The following CHSY1 variants were observed in gnomAD, a reference collection of about 807,000 sequenced individuals.
The protein encoded by CHSY1 is N-acetylgalactosaminyl-proteoglycan 3-beta-glucuronosyltransferase 1.
Under a neutral mutation model 59.8 loss-of-function variants are expected in CHSY1, and 13 were observed. That is an observed-to-expected ratio of 0.22 (90% CI 0.14 to 0.35). The LOEUF (loss-of-function observed/expected upper bound fraction) is 0.35. Ranked by LOEUF, CHSY1 falls within the 10% of genes least tolerant of loss-of-function variation. The pLI is 1.00. For missense variants in CHSY1, 947 were observed against 1,030.6 expected, an observed-to-expected ratio of 0.92 and a Z score of 1.11; for synonymous variants, 459 against 401.2, an observed-to-expected ratio of 1.14 and a Z score of -1.72.
intron 2 of CHSY1, among the ~76,000 whole-genome samples, chr15:101,231,799 G>A (rs1298200586): frequency 6.6e-6 from 1 of 152,126 alleles, no homozygotes; most frequent in East Asian, 1.9e-4. Flanking sequence ...GAGTAGTATA[G>A]CTTTTCATGT....
chr15:101,230,549 T>C (rs1340276199), intron 2 of CHSY1, among the ~76,000 whole-genome samples: 2 of 151,496 alleles, frequency 1.3e-5, no homozygotes, highest in African/African-American at 4.9e-5. Flanking sequence ...AATGTGTGAA[T>C]TTTTTTTAAA....
At chr15:101,229,564 GA>G (rs2038872792) in intron 2 of CHSY1, among the ~76,000 whole-genome samples, 3 of 152,120 alleles carry the variant, frequency 2.0e-5, no homozygotes, top group African/African-American at 7.2e-5. Flanking sequence ...AATAAAAGGA[GA>G]AAAACCTGAC....
intron 1 of CHSY1, among the ~76,000 whole-genome samples, chr15:101,245,406 T>C (rs548621982): frequency 6.6e-6 from 1 of 152,338 alleles, no homozygotes; most frequent in Non-Finnish European, 1.5e-5. Flanking sequence ...CATTTCTTGA[T>C]CCATCACCCA....
chr15:101,200,213 G>C (rs1323590097), intron 2 of CHSY1, among the ~76,000 whole-genome samples: 1 of 152,170 alleles, frequency 6.6e-6, no homozygotes, highest in Non-Finnish European at 1.5e-5. Flanking sequence ...TTTACTTCCA[G>C]AATAACTTTT....
At chr15:101,243,707 G>C (rs1360724802) in intron 1 of CHSY1, among the ~76,000 whole-genome samples, 1 of 152,236 alleles carries the variant, frequency 6.6e-6, no homozygotes, top group East Asian at 1.9e-4. Flanking sequence ...GCATGGCTTG[G>C]CGACTTGAAA....
intron 2 of CHSY1, among the ~76,000 whole-genome samples, chr15:101,193,205 T>C (rs4965805): frequency 0.58 from 88,306 of 152,136 alleles, 28,291 homozygotes; most frequent in East Asian, 0.87. Flanking sequence ...GAAATGCCTG[T>C]CCGGCAAGCA....
chr15:101,220,916 G>A (rs574132391), intron 2 of CHSY1, among the ~76,000 whole-genome samples: 26 of 152,102 alleles, frequency 1.7e-4, no homozygotes, highest in African/African-American at 5.8e-4. Context: ...GAGCAGCCCC[G>A]TCCCTCCATC....
At chr15:101,186,262 G>GTGAGCCGAGATCGTGCCACTGCA (rs1233346189) in intron 2 of CHSY1, among the ~76,000 whole-genome samples, 2 of 151,718 alleles carry the variant, frequency 1.3e-5, no homozygotes, top group African/African-American at 4.8e-5. Context: ...GGAGGTTGCA[G>GTGAGCCGAGATCGTGCCACTGCA]TGAGCCGAGA....
At chr15:101,221,390 C>T (rs556289442) in intron 2 of CHSY1, among the ~76,000 whole-genome samples, 13 of 152,242 alleles carry the variant, frequency 8.5e-5, no homozygotes, top group East Asian at 3.9e-4. Context: ...CTACTCAGGA[C>T]GCTGGGGCAC....
intron 2 of CHSY1, among the ~76,000 whole-genome samples, chr15:101,180,793 G>A (rs531544538): frequency 3.7e-4 from 57 of 152,278 alleles, no homozygotes; most frequent in African/African-American, 1.3e-3. Context: ...GATGAACCAC[G>A]TTAACTTATC....
intron 2 of CHSY1, among the ~76,000 whole-genome samples, chr15:101,216,806 G>A (rs2038737821): frequency 6.6e-6 from 1 of 152,158 alleles, no homozygotes; most frequent in Admixed American, 6.5e-5. Context: ...TACTGTAATG[G>A]TGGACACATA....
rs531569614 is a variant in CHSY1, at chr15:101,194,255, GAAAGA to G, written c.817-15280_817-15276del. On this transcript the variant is annotated intron_variant, in intron 2 of 2. Transcript: ENST00000254190. ...ATAGACCACCCACGTGCTACAAACT[GAAAGA>G]AAAGAAAAATTTCATTGGAGGTAAA... 1.4e-4 allele frequency among the ~76,000 whole-genome samples: 21 copies of G among 152,298 alleles called. No homozygotes were observed. In the East Asian group the frequency reaches 3.5e-3, roughly 25 times the overall value.
chr15:101,244,683 T>C (rs2039034114), intron 1 of CHSY1, among the ~76,000 whole-genome samples: 1 of 152,250 alleles, frequency 6.6e-6, no homozygotes, highest in Non-Finnish European at 1.5e-5. Flanking sequence ...TGTTTTACTT[T>C]AAACACAGAA....
intron 2 of CHSY1, among the ~76,000 whole-genome samples, chr15:101,198,802 G>C (rs2038537390): frequency 6.6e-6 from 1 of 152,180 alleles, no homozygotes; most frequent in South Asian, 2.1e-4. Context: ...TTTTGTTACT[G>C]TCTACAGCTG....
rs373261179 is a variant in CHSY1, at chr15:101,178,834, G to A, written c.963C>T (p.Ser321=). The A allele has an allele frequency of 1.9e-5, 30 of 1,614,084 alleles. No individual in the cohort carries two copies. The highest frequency in any genetic ancestry group is 1.7e-4 in the African/African-American group (13 of 74,932). The change falls in exon 3 of 3, where the codon AGC becomes AGT. Residue 321 remains serine, a synonymous_variant. Transcript: ENST00000254190. ...GATGGCGGAGCTCGGATATCTTGCG[G>A]CTCAGCATGTAGCTGTGGAGCCTGT... The part of the protein sequence containing the change: ...YQYRLHSYML[S]RKISELRHRT...
At chr15:101,191,329 T>G (rs1431164948) in intron 2 of CHSY1, among the ~76,000 whole-genome samples, 1 of 152,220 alleles carries the variant, frequency 6.6e-6, no homozygotes, top group Non-Finnish European at 1.5e-5. Context: ...GGCTACATAC[T>G]GTACGATTCC....
chr15:101,204,620 C>T (rs2038607006), intron 2 of CHSY1, among the ~76,000 whole-genome samples: 1 of 150,520 alleles, frequency 6.6e-6, no homozygotes. Flanking sequence ...AAATGACCAT[C>T]CAGCTGGGCA....
chr15:101,225,298 G>A (rs2038829803), intron 2 of CHSY1, among the ~76,000 whole-genome samples: 1 of 152,084 alleles, frequency 6.6e-6, no homozygotes, highest in Non-Finnish European at 1.5e-5. Context: ...GAACTCCTGG[G>A]CTCAAGTGAT....
At chr15:101,200,231 T>C (rs2038558304) in intron 2 of CHSY1, among the ~76,000 whole-genome samples, 1 of 152,214 alleles carries the variant, frequency 6.6e-6, no homozygotes, top group Non-Finnish European at 1.5e-5. Context: ...TTTTTGATTT[T>C]CATTTTAAAG....
Sources: gnomAD v4.1 joint callset for allele counts (sites outside exome capture counted in the v4.1 genomes callset) on GRCh38, gnomAD v4.1.1 for gene constraint, MANE v1.5 for transcripts, NCBI Gene and HGNC (gene_info 2026-07-23, HGNC 2026-07-21) for gene names.